NKAIN2: variants seen among roughly 807,000 people sequenced by gnomAD.
NKAIN2 encodes the protein sodium/potassium-transporting ATPase subunit beta-1-interacting protein 2.
A neutral mutation model predicts 32.6 loss-of-function variants in NKAIN2; 14 were observed. The ratio of observed to expected loss-of-function variants is 0.43; its 90% CI spans 0.28 to 0.67. NKAIN2 has a LOEUF of 0.67. Ranked by LOEUF, NKAIN2 falls within the 30% of genes least tolerant of loss-of-function variation. NKAIN2 has a pLI of 0.17. For synonymous variants in NKAIN2, 80 were observed against 87.2 expected (o/e 0.92, Z 0.46); for missense variants, 198 against 258.3 (o/e 0.77, Z 1.60).
chr6:123,967,301 T>A (rs2114626877), intron 1 of NKAIN2, among the ~76,000 whole-genome samples: 1 of 152,348 alleles, frequency 6.6e-6, no homozygotes, highest in South Asian at 2.1e-4. Context: ...GCAAATACTC[T>A]TCAGGGGATA....
intron 4 of NKAIN2, among the ~76,000 whole-genome samples, chr6:124,713,352 A>G (rs928555359): frequency 2.0e-4 from 31 of 152,212 alleles, no homozygotes; most frequent in African/African-American, 7.2e-4. Context: ...GCCTGTAAGA[A>G]TGGCCTGAAT....
chr6:124,367,232 TTA>T (rs1172515936), intron 3 of NKAIN2, among the ~76,000 whole-genome samples: 1 of 150,702 alleles, frequency 6.6e-6, no homozygotes, highest in African/African-American at 2.5e-5. Flanking sequence ...TATATTCTAA[TTA>T]TATGTTTCCT....
At chr6:124,725,746 A>G (rs1776256239) in intron 4 of NKAIN2, among the ~76,000 whole-genome samples, 1 of 152,222 alleles carries the variant, frequency 6.6e-6, no homozygotes, top group African/African-American at 2.4e-5. Context: ...TACAGCTCCC[A>G]GTGTGAGCGA....
chr6:124,649,964 CA>C (rs541676351), intron 3 of NKAIN2, among the ~76,000 whole-genome samples: 222 of 151,998 alleles, frequency 1.5e-3, no homozygotes, highest in African/African-American at 5.1e-3. Context: ...TAAAAACAAA[CA>C]AAAAAACTCT....
chr6:124,199,964 A>T (rs1357188560), intron 1 of NKAIN2, among the ~76,000 whole-genome samples: 1 of 152,194 alleles, frequency 6.6e-6, no homozygotes, highest in Non-Finnish European at 1.5e-5. Flanking sequence ...TTATTGTTTG[A>T]CATTCTAAAA....
At chr6:124,552,984 C>T (rs963649696) in intron 3 of NKAIN2, among the ~76,000 whole-genome samples, 1 of 152,138 alleles carries the variant, frequency 6.6e-6, no homozygotes, top group Non-Finnish European at 1.5e-5. Flanking sequence ...TTTTTTTAAT[C>T]CAATTTTTCC....
At chr6:124,414,905 A>G (rs908658780) in intron 3 of NKAIN2, among the ~76,000 whole-genome samples, 3 of 152,116 alleles carry the variant, frequency 2.0e-5, no homozygotes, top group Non-Finnish European at 2.9e-5. Context: ...ATCTGACTGA[A>G]TATTTATAAT....
At chr6:124,231,014 G>A (rs1792423209) in intron 1 of NKAIN2, among the ~76,000 whole-genome samples, 2 of 152,168 alleles carry the variant, frequency 1.3e-5, no homozygotes, top group Non-Finnish European at 2.9e-5. Flanking sequence ...ATGCCAGACA[G>A]TGAAAGCAGC....
At chr6:124,212,280 T>C (rs1408895131) in intron 1 of NKAIN2, among the ~76,000 whole-genome samples, 1 of 152,136 alleles carries the variant, frequency 6.6e-6, no homozygotes, top group Non-Finnish European at 1.5e-5. Flanking sequence ...TATATGATTC[T>C]CTTTTAAATT....
At chr6:123,811,295 T>C (rs937178654) in intron 1 of NKAIN2, among the ~76,000 whole-genome samples, 1 of 151,928 alleles carries the variant, frequency 6.6e-6, no homozygotes, top group Admixed American at 6.6e-5. Flanking sequence ...TGTATTGAAA[T>C]ATAGAGGAAT....
chr6:123,981,683 A>T (rs1409877831), intron 1 of NKAIN2, among the ~76,000 whole-genome samples: 1 of 152,190 alleles, frequency 6.6e-6, no homozygotes, highest in Non-Finnish European at 1.5e-5. Context: ...GAAGAGTAAC[A>T]TCACAGGAGG....
intron 1 of NKAIN2, among the ~76,000 whole-genome samples, chr6:123,942,183 T>C (rs1487104562): frequency 1.3e-5 from 2 of 152,000 alleles, no homozygotes; most frequent in Non-Finnish European, 2.9e-5. Context: ...GAAATTATTT[T>C]TTCATTTATG....
chr6:124,207,561 C>A (rs948792194), intron 1 of NKAIN2, among the ~76,000 whole-genome samples: 1 of 151,020 alleles, frequency 6.6e-6, no homozygotes, highest in South Asian at 2.1e-4. Context: ...ACTTCCTGGG[C>A]AGGTCTTTTT....
At chr6:124,625,139 T>G (rs2114274289) in intron 3 of NKAIN2, among the ~76,000 whole-genome samples, 1 of 151,000 alleles carries the variant, frequency 6.6e-6, no homozygotes, top group East Asian at 2.0e-4. Context: ...GACACTAGAG[T>G]TTTCTTCATT....
intron 1 of NKAIN2, among the ~76,000 whole-genome samples, chr6:124,155,626 T>G (rs802262): frequency 0.87 from 129,814 of 149,596 alleles, 56,624 homozygotes; most frequent in South Asian, 0.94. Flanking sequence ...TTCTGTGTGT[T>G]CCAGAGAGGC....
Position 123,988,369 on chromosome 6 carries a change from C to T in NKAIN2, c.54+184115C>T, listed in dbSNP as rs531181481. Among the ~76,000 whole-genome samples, 32 of 152,080 alleles carry T rather than the reference C, an allele frequency of 2.1e-4. 1 individual carries two copies. Among genetic ancestry groups the T allele is most frequent in the Admixed American group, 1.8e-3 (28 of 15,266 alleles). On this transcript the variant is annotated intron_variant, in intron 1 of 6. Coordinates refer to ENST00000368417, the MANE Select transcript of NKAIN2 (RefSeq NM_001040214.3). ...CATTCCACAAATAAAAATTGGCACA[C>T]GTTTATTGTTTTTATGGGGATTGGG...
At chr6:124,551,771 A>G (rs2114868637) in intron 3 of NKAIN2, among the ~76,000 whole-genome samples, 1 of 152,266 alleles carries the variant, frequency 6.6e-6, no homozygotes, top group Middle Eastern at 3.4e-3. Flanking sequence ...TAAAAATAAA[A>G]CCTATTCTGT....
chr6:124,110,523 G>A (rs1024757033), intron 1 of NKAIN2, among the ~76,000 whole-genome samples: 2 of 151,966 alleles, frequency 1.3e-5, no homozygotes, highest in African/African-American at 2.4e-5. Flanking sequence ...ATAACCAGTA[G>A]GTAGTTTTTC....
intron 1 of NKAIN2, among the ~76,000 whole-genome samples, chr6:124,042,058 G>A (rs140200852): frequency 6.6e-6 from 1 of 152,184 alleles, no homozygotes; most frequent in East Asian, 1.9e-4. Context: ...CCATCTGAAT[G>A]TCTGAGAATC....
Sources: gnomAD v4.1 joint callset for allele counts (sites outside exome capture counted in the v4.1 genomes callset) on GRCh38, gnomAD v4.1.1 for gene constraint, MANE v1.5 for transcripts, NCBI Gene and HGNC (gene_info 2026-07-23, HGNC 2026-07-21) for gene names.